LYST: variants seen among roughly 807,000 people sequenced by gnomAD.
The protein encoded by LYST is lysosomal trafficking regulator.
A neutral mutation model predicts 413.6 loss-of-function variants in LYST; 192 were observed. That is an observed-to-expected ratio of 0.46 (90% CI 0.41 to 0.52). The LOEUF is 0.52. Among genes scored for constraint, LYST ranks in the 20% least tolerant of loss-of-function variants. LYST has a pLI of 0.00. For synonymous variants in LYST, 1,525 were observed against 1,567.3 expected, an observed-to-expected ratio of 0.97 and a Z score of 0.64; for missense variants, 3,815 against 4,499.9, an observed-to-expected ratio of 0.85 and a Z score of 4.35.
chr1:235,793,652 C>G, intron 10 of LYST, 40 bp from the exon 11 acceptor site: 3 of 1,021,312 alleles, frequency 2.9e-6, no homozygotes, highest in Non-Finnish European at 4.6e-6. Flanking sequence ...AGCTAGTACA[C>G]AATTAGAGGA....
rs1464431124 is a variant in LYST, at chr1:235,741,351, A to G, written c.8358+71T>C. The stretch of plus-strand genomic sequence containing the variant: ...AGGCATGAACATTCAGTTTAATTTC[A>G]GTTCTTGTTTTATTCAGACTTTGTA... On this transcript the variant is annotated intron_variant, in intron 31 of 52. Transcript: ENST00000389793. The G allele has an allele frequency of 3.2e-6, 4 of 1,250,754 alleles. No individual in the cohort carries two copies. The African/African-American group carries it at 5.9e-5, about 18-fold the overall frequency. The allele number at this position is 1,250,754 out of a possible 1,614,324, so 77.5% of individuals were successfully genotyped here. A position where few individuals can be genotyped will look rare whatever the true frequency, so the allele number is the denominator to read the frequency against.
rs759276899 is a variant in LYST at position 235,788,801 on chromosome 1, T to C, written c.4588A>G (p.Arg1530Gly). ...TGAATACATCCTTCTTCTATGAGTC[T>C]TTCACCAGGATTTATGTACTCTGCA... is the stretch of plus-strand genomic sequence containing the variant. ...EGAEYINPGE[R>G]LIEEGCIHII... Residue 1530 changes from arginine (R) to glycine (G), a missense_variant, in exon 13 of 53, where the codon AGA becomes GGA. By Grantham distance (125) the Arg-to-Gly change is moderately radical. Transcript: ENST00000389793. 1.3e-5 allele frequency: 21 copies of C among 1,613,530 alleles called. No individual in the cohort carries two copies. In the South Asian group the frequency reaches 2.2e-4, roughly 17 times the overall value.
rs1317669274 is a variant in LYST at position 235,759,064 on chromosome 1, T to C, written c.6789A>G (p.Pro2263=). The change falls in exon 23 of 53, where the codon CCA becomes CCG. Residue 2263 remains proline, a synonymous_variant. Transcript: ENST00000389793. ...QNGSAAVGRW[P]SLVDRNTDDW... is the part of the protein sequence containing the mutation. ...CATCAGTGTTTCTATCAACAAGACT[T>C]GGCCAACGGCCAACAGCTGCAGATC... The C allele has an allele frequency of 6.2e-7, 1 of 1,614,146 alleles. No individual in the cohort carries two copies. Among genetic ancestry groups the C allele is most frequent in the Non-Finnish European group, 8.5e-7 (1 of 1,180,014 alleles).
intron 28 of LYST, 73 bp downstream of exon 28, chr1:235,751,137 G>T: frequency 1.5e-6 from 2 of 1,356,808 alleles, no homozygotes; most frequent in South Asian, 1.2e-5. Context: ...TTAAAAGTGT[G>T]AATGGCATAA....
At chr1:235,860,556 T>C (rs1679746258) in intron 1 of LYST, among the ~76,000 whole-genome samples, 1 of 152,228 alleles carries the variant, frequency 6.6e-6, no homozygotes, top group African/African-American at 2.4e-5. Context: ...GTTTTGCCTT[T>C]CCCAGAATGC....
intron 31 of LYST, 35 bp downstream of exon 31, chr1:235,741,387 C>A (rs182086270): frequency 2.2e-4 from 334 of 1,502,002 alleles, no homozygotes; most frequent in Non-Finnish European, 3.0e-4. Flanking sequence ...TTTCACCAAA[C>A]GTTTTACTTC....
At chr1:235,864,491 CA>C (rs1371896402) in intron 1 of LYST, among the ~76,000 whole-genome samples, 1 of 152,136 alleles carries the variant, frequency 6.6e-6, no homozygotes, top group Non-Finnish European at 1.5e-5. Context: ...CCACCTCCAC[CA>C]ATTCCACTCT....
At chr1:235,864,303 G>A (rs1680240340) in intron 1 of LYST, among the ~76,000 whole-genome samples, 2 of 152,132 alleles carry the variant, frequency 1.3e-5, no homozygotes, top group South Asian at 2.1e-4. Flanking sequence ...CTTTAAAAAC[G>A]TGAATGTCTA....
chr1:235,691,904 G>T (rs1334998340), intron 47 of LYST, among the ~76,000 whole-genome samples: 1 of 151,088 alleles, frequency 6.6e-6, no homozygotes, highest in Non-Finnish European at 1.5e-5. Flanking sequence ...CACCATGTTG[G>T]CCAGGCTGGT....
At position 235,715,208 on chromosome 1, in the gene LYST, G is replaced by A. The variant is rs747407965; in HGVS notation, c.9777C>T (p.Ala3259=). The A allele has an allele frequency of 2.5e-6, 4 of 1,613,836 alleles. No individual in the cohort carries two copies. The South Asian group carries it at 3.3e-5, about 13-fold the overall frequency. The change falls in exon 42 of 53, where the codon GCC becomes GCT. Residue 3259 remains alanine (A), a synonymous_variant. Transcript: ENST00000389793. ...CAGTTATTAAATTCTTACCTTGATAGGCTAAAAACATTTTAGTGAAAGGAG... is the reference window on the plus strand; with the variant it reads ...CAGTTATTAAATTCTTACCTTGATAAGCTAAAAACATTTTAGTGAAAGGAG... ...RMPPFTKMFL[A]YQDQSFDIPD...
At chr1:235,702,166 A>T (rs1296647009) in intron 45 of LYST, among the ~76,000 whole-genome samples, 1 of 152,240 alleles carries the variant, frequency 6.6e-6, no homozygotes, top group Non-Finnish European at 1.5e-5. Context: ...AATTGAGTTG[A>T]AGATTAAAAT....
intron 20 of LYST, among the ~76,000 whole-genome samples, chr1:235,769,548 A>G (rs1408796073): frequency 6.6e-6 from 1 of 152,086 alleles, no homozygotes; most frequent in African/African-American, 2.4e-5. Flanking sequence ...TGCCTTAGAC[A>G]TTAAAAAAAA....
At chr1:235,679,154 G>A (rs1454759773) in intron 48 of LYST, among the ~76,000 whole-genome samples, 4 of 152,178 alleles carry the variant, frequency 2.6e-5, no homozygotes, top group African/African-American at 7.2e-5. Context: ...ACCTTCACCT[G>A]AAAACAATCA....
At chr1:235,799,229 C>T (rs1298155689) in intron 10 of LYST, among the ~76,000 whole-genome samples, 4 of 151,986 alleles carry the variant, frequency 2.6e-5, no homozygotes, top group Non-Finnish European at 5.9e-5. Context: ...TTGGCAGATA[C>T]CACAGAATTA....
At chr1:235,685,742 A>G (rs943929919) in intron 48 of LYST, among the ~76,000 whole-genome samples, 1 of 151,752 alleles carries the variant, frequency 6.6e-6, no homozygotes, top group African/African-American at 2.4e-5. Context: ...ACTACTCAGG[A>G]GGCTGAGGCA....
intron 2 of LYST, among the ~76,000 whole-genome samples, chr1:235,831,852 T>C (rs1437837425): frequency 6.6e-6 from 1 of 152,216 alleles, no homozygotes; most frequent in Non-Finnish European, 1.5e-5. Context: ...TTATATTCAG[T>C]TCATATTTAT....
At chr1:235,696,713 TTG>T (rs1197525738) in intron 46 of LYST, among the ~76,000 whole-genome samples, 4 of 152,194 alleles carry the variant, frequency 2.6e-5, no homozygotes, top group Admixed American at 2.6e-4. Context: ...GACATCCTTG[TTG>T]TGTTTGTTGC....
chr1:235,830,454 ATTAGG>A, intron 2 of LYST, 30 bp from the exon 3 acceptor site: 1 of 1,461,982 alleles, frequency 6.8e-7, no homozygotes, highest in Non-Finnish European at 9.4e-7. Context: ...AAAAAAAAAG[ATTAGG>A]AAAACAAATA....
chr1:235,749,543 G>A (rs1020911644), intron 28 of LYST, among the ~76,000 whole-genome samples: 1 of 152,108 alleles, frequency 6.6e-6, no homozygotes, highest in Non-Finnish European at 1.5e-5. Flanking sequence ...GCAGTCCCCA[G>A]TTCTAGGATG....
Sources: allele counts gnomAD v4.1 joint callset (sites outside exome capture counted in the v4.1 genomes callset), GRCh38; gene constraint gnomAD v4.1.1; transcripts MANE v1.5; gene names NCBI Gene and HGNC (gene_info 2026-07-23, HGNC 2026-07-21).